Variants in TCF12 observed in about 807,000 individuals in gnomAD.
TCF12 encodes the protein DNA-binding protein HTF4.
Under a neutral mutation model 86.0 loss-of-function variants are expected in TCF12, and 45 were observed. The observed-to-expected ratio is 0.52, with a 90% CI of 0.41 to 0.67. The LOEUF (loss-of-function observed/expected upper bound fraction) is 0.67. TCF12 is among the 30% of genes least tolerant of loss of function. TCF12 has a pLI of 0.00. For missense variants in TCF12, 881 were observed against 859.9 expected, an observed-to-expected ratio of 1.02 and a Z score of -0.31; for synonymous variants, 330 against 299.6, an observed-to-expected ratio of 1.10 and a Z score of -1.05.
intron 3 of TCF12, among the ~76,000 whole-genome samples, chr15:57,039,171 C>T (rs1326706539): frequency 6.6e-6 from 1 of 152,164 alleles, no homozygotes; most frequent in Non-Finnish European, 1.5e-5. Context: ...TTTAAAGGTA[C>T]ATTGAAGGCT....
intron 5 of TCF12, among the ~76,000 whole-genome samples, chr15:57,100,409 C>T (rs1040785891): frequency 1.3e-5 from 2 of 148,766 alleles, no homozygotes; most frequent in Admixed American, 6.7e-5. Flanking sequence ...GGTAACATTT[C>T]GGATTCACTT....
At chr15:57,041,435 A>G (rs2066891673) in intron 3 of TCF12, among the ~76,000 whole-genome samples, 1 of 152,206 alleles carries the variant, frequency 6.6e-6, no homozygotes, top group Non-Finnish European at 1.5e-5. Flanking sequence ...CATAAGTATA[A>G]TTTGCAAAAA....
At chr15:56,968,680 C>T (rs1211810823) in intron 3 of TCF12, among the ~76,000 whole-genome samples, 2 of 152,136 alleles carry the variant, frequency 1.3e-5, no homozygotes, top group African/African-American at 2.4e-5. Flanking sequence ...ATTCGTGAAC[C>T]CCAAATATCT....
At chr15:56,946,166 G>A (rs1286808327) in intron 3 of TCF12, among the ~76,000 whole-genome samples, 1 of 152,024 alleles carries the variant, frequency 6.6e-6, no homozygotes, top group Non-Finnish European at 1.5e-5. Flanking sequence ...AAAACATTTC[G>A]GCTGCTCTAT....
intron 8 of TCF12, among the ~76,000 whole-genome samples, chr15:57,214,863 C>T (rs1417622341): frequency 3.3e-5 from 5 of 151,954 alleles, no homozygotes; most frequent in African/African-American, 4.8e-5. Flanking sequence ...GATTTTCATA[C>T]AGTGGAAAGA....
At chr15:57,134,891 T>G (rs1257922891) in intron 5 of TCF12, among the ~76,000 whole-genome samples, 2 of 151,964 alleles carry the variant, frequency 1.3e-5, no homozygotes, top group Non-Finnish European at 2.9e-5. Context: ...TTTTGTGTTT[T>G]TTTTTTTTTG....
chr15:56,949,920 G>A (rs906051425), intron 3 of TCF12, among the ~76,000 whole-genome samples: 3 of 152,204 alleles, frequency 2.0e-5, no homozygotes, highest in African/African-American at 7.2e-5. Flanking sequence ...ACAGGAAAAG[G>A]GAAAGGCTCT....
intron 3 of TCF12, among the ~76,000 whole-genome samples, chr15:56,962,532 TC>T (rs2061811456): frequency 6.6e-6 from 1 of 151,980 alleles, no homozygotes; most frequent in Middle Eastern, 3.2e-3. Flanking sequence ...AAAGAAAAGA[TC>T]CCAGAAACAT....
chr15:57,162,963 C>G (rs1333504356), intron 5 of TCF12, among the ~76,000 whole-genome samples: 2 of 152,066 alleles, frequency 1.3e-5, no homozygotes, highest in Non-Finnish European at 2.9e-5. Context: ...ATCACGAGGT[C>G]AGGAGTTCGA....
intron 6 of TCF12, among the ~76,000 whole-genome samples, chr15:57,168,660 G>T (rs1227294427): frequency 6.6e-6 from 1 of 152,124 alleles, no homozygotes; most frequent in African/African-American, 2.4e-5. Context: ...TCTAATTTCT[G>T]ATCTTGGCTA....
chr15:57,098,215 G>GA (rs2049476479), intron 5 of TCF12, among the ~76,000 whole-genome samples: 1 of 151,782 alleles, frequency 6.6e-6, no homozygotes, highest in Admixed American at 6.6e-5. Flanking sequence ...CAAAAAAACA[G>GA]AAAAAGAAAC....
At chr15:56,929,043 T>C (rs1170667455) in intron 3 of TCF12, among the ~76,000 whole-genome samples, 1 of 152,250 alleles carries the variant, frequency 6.6e-6, no homozygotes, top group Admixed American at 6.5e-5. Flanking sequence ...TTCTACTTGC[T>C]ACCACAAACA....
At chr15:57,181,136 C>T (rs1173495563) in intron 6 of TCF12, among the ~76,000 whole-genome samples, 2 of 151,972 alleles carry the variant, frequency 1.3e-5, no homozygotes, top group Admixed American at 6.6e-5. Flanking sequence ...TTTTGACCTA[C>T]GGTTAATTAG....
rs2061934130 is a variant in TCF12 at position 57,286,377 on chromosome 15, T to C, written c.*232T>C. The C allele has an allele frequency of 7.7e-6, 2 of 259,670 alleles. No individual in the cohort carries two copies. Among genetic ancestry groups the C allele is most frequent in the African/African-American group, 4.5e-5 (2 of 44,490 alleles). The allele number at this position is 259,670 out of a possible 1,614,324, so 16.1% of individuals were successfully genotyped here. On this transcript the variant is annotated 3_prime_UTR_variant, in exon 21 of 21. Transcript: ENST00000333725. The stretch of plus-strand genomic sequence containing the variant: ...TCAGATAGAACATCAGCCCATGAGA[T>C]GTTTGCAACAAATCTTTTGTTGCAA...
intron 3 of TCF12, among the ~76,000 whole-genome samples, chr15:57,041,930 C>G (rs2066918375): frequency 6.6e-6 from 1 of 152,144 alleles, no homozygotes; most frequent in Non-Finnish European, 1.5e-5. Context: ...AAGACATGAT[C>G]ATTACATCAA....
chr15:57,057,444 A>G (rs1473260251), intron 3 of TCF12, among the ~76,000 whole-genome samples: 1 of 152,218 alleles, frequency 6.6e-6, no homozygotes, highest in African/African-American at 2.4e-5. Context: ...AAGCTGATTA[A>G]AAGAGAAACT....
intron 3 of TCF12, among the ~76,000 whole-genome samples, chr15:56,928,960 C>G (rs181842622): frequency 2.0e-5 from 3 of 152,276 alleles, no homozygotes; most frequent in African/African-American, 7.2e-5. Context: ...CATAAACTCC[C>G]TTGGTAGCCT....
At chr15:56,947,180 C>T (rs1166580976) in intron 3 of TCF12, among the ~76,000 whole-genome samples, 1 of 152,192 alleles carries the variant, frequency 6.6e-6, no homozygotes, top group Non-Finnish European at 1.5e-5. Context: ...GGGCATTCAA[C>T]GTTTAGGCTG....
At chr15:57,266,910 T>C (rs2060895811) in intron 18 of TCF12, among the ~76,000 whole-genome samples, 1 of 152,136 alleles carries the variant, frequency 6.6e-6, no homozygotes, top group South Asian at 2.1e-4. Context: ...ACACCCGTAG[T>C]CCCAGCTACT....
Sources: gnomAD v4.1 joint callset for allele counts (sites outside exome capture counted in the v4.1 genomes callset) on GRCh38, gnomAD v4.1.1 for gene constraint, MANE v1.5 for transcripts, NCBI Gene and HGNC (gene_info 2026-07-23, HGNC 2026-07-21) for gene names.